Variants in HDAC9 observed in about 807,000 individuals in gnomAD.
The protein encoded by HDAC9 is MEF-2 interacting transcription repressor (MITR) protein.
Under a neutral mutation model 139.4 loss-of-function variants are expected in HDAC9, and 41 were observed. The observed-to-expected ratio is 0.29, with a 90% CI of 0.23 to 0.38. HDAC9 has a LOEUF of 0.38. HDAC9 is among the 10% of genes least tolerant of loss of function. The pLI is 1.00. For synonymous variants in HDAC9, 517 were observed against 476.2 expected (o/e 1.09, Z -1.12); for missense variants, 1,147 against 1,297.0 (o/e 0.88, Z 1.78).
At chr7:18,671,895 C>CA (rs1795696435) in intron 12 of HDAC9, among the ~76,000 whole-genome samples, 1 of 152,066 alleles carries the variant, frequency 6.6e-6, no homozygotes, top group South Asian at 2.1e-4. Context: ...ATCAGTACTT[C>CA]ATTCCTTCTT....
At chr7:18,192,154 T>G (rs376073609) in intron 2 of HDAC9, among the ~76,000 whole-genome samples, 67 of 152,260 alleles carry the variant, frequency 4.4e-4, no homozygotes, top group African/African-American at 1.4e-3. Context: ...AGGTGGTGGT[T>G]TAGGAAAATC....
At chr7:18,611,288 G>C (rs1837061826) in intron 6 of HDAC9, among the ~76,000 whole-genome samples, 1 of 151,940 alleles carries the variant, frequency 6.6e-6, no homozygotes, top group Non-Finnish European at 1.5e-5. Context: ...GGAATAAATG[G>C]GTAATCAGTG....
chr7:18,921,809 C>G (rs551633573), intron 22 of HDAC9, among the ~76,000 whole-genome samples: 4 of 152,132 alleles, frequency 2.6e-5, no homozygotes, highest in East Asian at 1.9e-4. Context: ...TTCACAATAG[C>G]AAAGACTTGG....
At chr7:18,287,094 A>G (rs1369980927), upstream of HDAC9, among the ~76,000 whole-genome samples, 1 of 152,176 alleles carries the variant, frequency 6.6e-6, no homozygotes, top group Admixed American at 6.5e-5. Context: ...ATTTGAAAGG[A>G]ATTTAATTTG....
At chr7:18,351,908 C>T (rs1020116940) in intron 1 of HDAC9, among the ~76,000 whole-genome samples, 6 of 152,004 alleles carry the variant, frequency 3.9e-5, no homozygotes, top group Admixed American at 1.3e-4. Context: ...TTTGAATTGA[C>T]GGTGAATATG....
intron 1 of HDAC9, among the ~76,000 whole-genome samples, chr7:18,295,298 G>C (rs1798070885): frequency 6.6e-6 from 1 of 152,028 alleles, no homozygotes; most frequent in African/African-American, 2.4e-5. Context: ...AAAGAAAATA[G>C]CATATTCAGG....
At chr7:18,269,290 G>A (rs12672535) in intron 2 of HDAC9, among the ~76,000 whole-genome samples, 59,340 of 151,992 alleles carry the variant, frequency 0.39, 13,030 homozygotes, top group Admixed American at 0.52. Context: ...CTAGTGATTT[G>A]TATCACTTGG....
chr7:18,735,907 A>T (rs1178144), intron 13 of HDAC9, among the ~76,000 whole-genome samples: 1 of 152,204 alleles, frequency 6.6e-6, no homozygotes, highest in Non-Finnish European at 1.5e-5. Flanking sequence ...TCTCCTATTT[A>T]CTTGAGCAGT....
chr7:18,272,659 T>A (rs1584947697), intron 2 of HDAC9, among the ~76,000 whole-genome samples: 1 of 152,282 alleles, frequency 6.6e-6, no homozygotes, highest in East Asian at 1.9e-4. Context: ...GAAAGTCATT[T>A]AAGAAGATTT....
intron 2 of HDAC9, chr7:18,543,690 T>A (rs775991966): frequency 3.3e-5 from 5 of 152,090 alleles, no homozygotes; most frequent in African/African-American, 9.7e-5. Flanking sequence ...ATTTTCCTGC[T>A]CTCGTGGGGC....
At chr7:18,241,155 ACTTT>A (rs1408985562) in intron 2 of HDAC9, among the ~76,000 whole-genome samples, 1 of 152,204 alleles carries the variant, frequency 6.6e-6, no homozygotes, top group East Asian at 1.9e-4. Context: ...AAATACAAAT[ACTTT>A]CACTTAAGTT....
intron 6 of HDAC9, among the ~76,000 whole-genome samples, chr7:18,608,242 C>T (rs1431308567): frequency 1.3e-5 from 2 of 151,958 alleles, no homozygotes; most frequent in African/African-American, 4.8e-5. Flanking sequence ...AACTCAGTTA[C>T]TTTAAAATGG....
chr7:18,928,886 G>GTTT (rs1290643175), intron 22 of HDAC9, among the ~76,000 whole-genome samples: 1 of 151,658 alleles, frequency 6.6e-6, no homozygotes, highest in East Asian at 1.9e-4. Flanking sequence ...CATAGAGCCT[G>GTTT]TTTATTATTA....
At chr7:18,956,792 G>C (rs146920616) in intron 24 of HDAC9, among the ~76,000 whole-genome samples, 1 of 152,256 alleles carries the variant, frequency 6.6e-6, no homozygotes, top group Non-Finnish European at 1.5e-5. Flanking sequence ...GATTGGTTAA[G>C]AAATGGGTAC....
At chr7:18,424,645 A>G (rs1401084628) in intron 1 of HDAC9, among the ~76,000 whole-genome samples, 1 of 152,242 alleles carries the variant, frequency 6.6e-6, no homozygotes, top group East Asian at 1.9e-4. Context: ...GCAGTGGCTC[A>G]TGCCTGTAAT....
intron 25 of HDAC9, among the ~76,000 whole-genome samples, chr7:18,976,644 T>G (rs1016468423): frequency 2.0e-5 from 3 of 152,202 alleles, no homozygotes; most frequent in African/African-American, 7.2e-5. Context: ...TTAAGGAATG[T>G]TTGTCAGTTT....
chr7:18,820,942 G>A (rs905577463), intron 17 of HDAC9, among the ~76,000 whole-genome samples: 3 of 152,168 alleles, frequency 2.0e-5, no homozygotes, highest in Admixed American at 6.5e-5. Context: ...TACCACAGAT[G>A]CAGTAATGTA....
At chr7:18,369,400 GT>G (rs1195640907) in intron 1 of HDAC9, among the ~76,000 whole-genome samples, 1 of 152,008 alleles carries the variant, frequency 6.6e-6, no homozygotes, top group Non-Finnish European at 1.5e-5. Flanking sequence ...TTCTCTGAAA[GT>G]GAACCAAGAG....
chr7:18,922,118 A>G (rs1255752209), intron 22 of HDAC9, among the ~76,000 whole-genome samples: 1 of 151,456 alleles, frequency 6.6e-6, no homozygotes, highest in Non-Finnish European at 1.5e-5. Flanking sequence ...TAGGAGATAT[A>G]CCTAATGCTA....
Sources: allele counts gnomAD v4.1 joint callset (sites outside exome capture counted in the v4.1 genomes callset), GRCh38; gene constraint gnomAD v4.1.1; transcripts MANE v1.5; gene names NCBI Gene and HGNC (gene_info 2026-07-23, HGNC 2026-07-21).